The following RNF111 variants were observed in gnomAD, a reference collection of about 807,000 sequenced individuals.
RNF111 encodes E3 ubiquitin-protein ligase Arkadia.
A neutral mutation model predicts 95.1 loss-of-function variants in RNF111; 17 were observed. That is an observed-to-expected ratio of 0.18 (90% CI 0.12 to 0.27). The LOEUF (loss-of-function observed/expected upper bound fraction) is 0.27. Among genes scored for constraint, RNF111 ranks in the 10% least tolerant of loss-of-function variants. The pLI is 1.00. For missense variants in RNF111, 1,189 were observed against 1,210.4 expected (o/e 0.98, Z 0.26); for synonymous variants, 440 against 414.8 (o/e 1.06, Z -0.74).
intron 1 of RNF111, among the ~76,000 whole-genome samples, chr15:59,002,675 T>C (rs2039374850): frequency 6.6e-6 from 1 of 152,164 alleles, no homozygotes; most frequent in Non-Finnish European, 1.5e-5. Flanking sequence ...CTATAGTTCT[T>C]AGTAAAGATA....
At chr15:59,009,728 G>C (rs748584309) in intron 1 of RNF111, among the ~76,000 whole-genome samples, 1 of 152,082 alleles carries the variant, frequency 6.6e-6, no homozygotes, top group East Asian at 1.9e-4. Flanking sequence ...GTTGAGGCAG[G>C]TAGATCACTT....
chr15:59,052,099 C>G (rs1385260892), intron 2 of RNF111, among the ~76,000 whole-genome samples: 1 of 152,040 alleles, frequency 6.6e-6, no homozygotes, highest in Non-Finnish European at 1.5e-5. Flanking sequence ...AGTAAACATG[C>G]AAAGAAGTGT....
chr15:59,027,261 C>CT (rs2040662766), intron 1 of RNF111, among the ~76,000 whole-genome samples: 1 of 152,180 alleles, frequency 6.6e-6, no homozygotes, highest in Non-Finnish European at 1.5e-5. Context: ...GAACATAACT[C>CT]TGACATGGGT....
At chr15:58,989,547 C>G (rs781088183) in intron 1 of RNF111, among the ~76,000 whole-genome samples, 2 of 152,180 alleles carry the variant, frequency 1.3e-5, no homozygotes. Flanking sequence ...CACTTCTTAA[C>G]TTTTGTTTGG....
At chr15:59,071,420 C>T (rs552627699) in intron 6 of RNF111, among the ~76,000 whole-genome samples, 5 of 152,050 alleles carry the variant, frequency 3.3e-5, no homozygotes, top group East Asian at 1.9e-4. Flanking sequence ...TAGTGGCTTA[C>T]GCCTGAAATC....
At chr15:59,061,796 G>C (rs1376749004) in intron 5 of RNF111, among the ~76,000 whole-genome samples, 2 of 152,038 alleles carry the variant, frequency 1.3e-5, no homozygotes, top group Admixed American at 1.3e-4. Context: ...GTTTTTGTCT[G>C]TGTACATTTA....
chr15:59,077,729 A>G (rs1236256813), intron 7 of RNF111, among the ~76,000 whole-genome samples: 1 of 152,178 alleles, frequency 6.6e-6, no homozygotes, highest in Admixed American at 6.5e-5. Flanking sequence ...TGTGATTGCT[A>G]TGTCAGAGGG....
chr15:59,046,298 A>C (rs369292354), intron 2 of RNF111, among the ~76,000 whole-genome samples: 1 of 150,238 alleles, frequency 6.7e-6, no homozygotes, highest in East Asian at 1.9e-4. Context: ...GGCTAAGGTG[A>C]TCCTCCCACG....
intron 9 of RNF111, among the ~76,000 whole-genome samples, chr15:59,084,868 C>A (rs2081515782): frequency 6.6e-6 from 1 of 152,082 alleles, no homozygotes; most frequent in African/African-American, 2.4e-5. Flanking sequence ...GAGGCGTGGA[C>A]CTTTTTTCCT....
chr15:58,997,130 A>G (rs539044405), intron 1 of RNF111, among the ~76,000 whole-genome samples: 1 of 152,206 alleles, frequency 6.6e-6, no homozygotes, highest in Admixed American at 6.5e-5. Context: ...AGTGTACCAA[A>G]TTTATAAGGT....
At chr15:59,027,469 A>G (rs1454637989) in intron 1 of RNF111, among the ~76,000 whole-genome samples, 1 of 152,108 alleles carries the variant, frequency 6.6e-6, no homozygotes, top group Non-Finnish European at 1.5e-5. Flanking sequence ...AATAGCTGGC[A>G]CCACAATCAG....
intron 2 of RNF111, among the ~76,000 whole-genome samples, chr15:59,038,244 T>C (rs1417022242): frequency 6.6e-6 from 1 of 152,204 alleles, no homozygotes; most frequent in East Asian, 1.9e-4. Context: ...GAGTGATGCA[T>C]CACTAGAAAC....
chr15:59,010,265 CAT>C (rs2039736108), intron 1 of RNF111, among the ~76,000 whole-genome samples: 1 of 152,028 alleles, frequency 6.6e-6, no homozygotes, highest in Admixed American at 6.6e-5. Context: ...AAACCCATGA[CAT>C]GTAAATATAA....
chr15:59,029,476 A>G (rs1381185939), intron 1 of RNF111, among the ~76,000 whole-genome samples: 1 of 152,214 alleles, frequency 6.6e-6, no homozygotes, highest in Non-Finnish European at 1.5e-5. Flanking sequence ...TAAGAATAAA[A>G]GAAGATAGTG....
At chr15:59,016,641 T>G (rs1160600078) in intron 1 of RNF111, among the ~76,000 whole-genome samples, 2 of 152,200 alleles carry the variant, frequency 1.3e-5, no homozygotes, top group African/African-American at 4.8e-5. Flanking sequence ...AAACAGTATT[T>G]CCTGCCTCTC....
chr15:59,030,194 G>A (rs2040835578), intron 1 of RNF111, among the ~76,000 whole-genome samples: 1 of 151,982 alleles, frequency 6.6e-6, no homozygotes. Context: ...TAATCTTTTT[G>A]TATTTAAAAC....
intron 1 of RNF111, among the ~76,000 whole-genome samples, chr15:59,023,647 T>G (rs1322490085): frequency 6.6e-6 from 1 of 152,216 alleles, no homozygotes; most frequent in East Asian, 1.9e-4. Flanking sequence ...AAAATTACCT[T>G]CTTTTAAATA....
chr15:59,038,442 C>CTGTG (rs1424860474), intron 2 of RNF111, among the ~76,000 whole-genome samples: 4 of 152,132 alleles, frequency 2.6e-5, no homozygotes, highest in Non-Finnish European at 5.9e-5. Flanking sequence ...ATATCTAATG[C>CTGTG]TGTGAATACT....
chr15:59,047,486 C>T (rs2041767977), intron 2 of RNF111, among the ~76,000 whole-genome samples: 1 of 152,110 alleles, frequency 6.6e-6, no homozygotes, highest in South Asian at 2.1e-4. Context: ...TGGATCAAGA[C>T]ACTTTCTCAA....
Sources: allele counts gnomAD v4.1 joint callset (sites outside exome capture counted in the v4.1 genomes callset), GRCh38; gene constraint gnomAD v4.1.1; transcripts MANE v1.5; gene names NCBI Gene and HGNC (gene_info 2026-07-23, HGNC 2026-07-21).